Variants in PHF24 observed in about 807,000 individuals in gnomAD.
PHF24 encodes Galpha inhibitory interacting protein.
In PHF24, 25 loss-of-function variants were observed where a neutral mutation model predicts 42.6. The ratio of observed to expected loss-of-function variants is 0.59; its 90% CI spans 0.43 to 0.82. PHF24 has a LOEUF of 0.82. Ranked by LOEUF, PHF24 falls within the 40% of genes least tolerant of loss-of-function variation. The probability of loss-of-function intolerance (pLI) is 0.00; values close to 1 mark genes in which losing one functional copy is unlikely to be tolerated. For missense variants in PHF24, 470 were observed against 538.1 expected, an observed-to-expected ratio of 0.87 and a Z score of 1.25; for synonymous variants, 185 against 204.8, an observed-to-expected ratio of 0.90 and a Z score of 0.83.
At chr9:34,753,569 A>T in the PHF24 span, among the ~76,000 whole-genome samples, 1 of 152,184 alleles carries the variant, frequency 6.6e-6, no homozygotes. Flanking sequence ...TACTACCCAA[A>T]GCAATATACA....
At chr9:34,833,346 G>T in the PHF24 span, 1 of 1,550,866 alleles carries the variant, frequency 6.4e-7, no homozygotes, top group East Asian at 2.4e-5. Flanking sequence ...GCAGAACCCT[G>T]GGGTACTGCT....
At chr9:34,924,012 GTTTGT>G in the PHF24 span, among the ~76,000 whole-genome samples, 2 of 151,794 alleles carry the variant, frequency 1.3e-5, no homozygotes, top group Non-Finnish European at 2.9e-5. Flanking sequence ...TTCCATTATG[GTTTGT>G]TTTAAGAAAA....
chr9:34,702,449 A>G, the PHF24 span, among the ~76,000 whole-genome samples: 1 of 152,228 alleles, frequency 6.6e-6, no homozygotes, highest in Admixed American at 6.5e-5. Context: ...GAAATTTATT[A>G]TTACCACAAC....
At chr9:34,707,609 G>A in the PHF24 span, among the ~76,000 whole-genome samples, 1 of 152,200 alleles carries the variant, frequency 6.6e-6, no homozygotes, top group East Asian at 1.9e-4. Flanking sequence ...CAATACTTGA[G>A]GATGTTAGGA....
the PHF24 span, among the ~76,000 whole-genome samples, chr9:34,800,670 A>G: frequency 6.6e-6 from 1 of 152,226 alleles, no homozygotes; most frequent in African/African-American, 2.4e-5. Context: ...AATTAACTCA[A>G]GATGGATTAA....
chr9:34,848,115 A>T, the PHF24 span, among the ~76,000 whole-genome samples: 11 of 152,090 alleles, frequency 7.2e-5, 1 homozygote, highest in African/African-American at 2.7e-4. Context: ...CTGGCCTCAT[A>T]AAATGAGTTA....
the PHF24 span, among the ~76,000 whole-genome samples, chr9:34,824,489 A>G: frequency 6.6e-6 from 1 of 152,132 alleles, no homozygotes; most frequent in African/African-American, 2.4e-5. Flanking sequence ...GTTTGGAGTG[A>G]GGTAGTGGTA....
the PHF24 span, among the ~76,000 whole-genome samples, chr9:34,733,982 G>C: frequency 6.6e-6 from 1 of 152,220 alleles, no homozygotes; most frequent in Non-Finnish European, 1.5e-5. Flanking sequence ...TACAAAATAG[G>C]GTTTCTCGGG....
chr9:34,862,368 C>T, the PHF24 span, among the ~76,000 whole-genome samples: 1 of 152,020 alleles, frequency 6.6e-6, no homozygotes, highest in African/African-American at 2.4e-5. Context: ...CCAGGCAGCA[C>T]GATTTGTGGC....
chr9:34,806,192 C>T, the PHF24 span, among the ~76,000 whole-genome samples: 8 of 151,860 alleles, frequency 5.3e-5, no homozygotes, highest in African/African-American at 1.5e-4. Flanking sequence ...ATTGCTTGGG[C>T]TATTCAGGGT....
intron 2 of PHF24, 106 bp downstream of exon 2, chr9:34,971,782 T>A: frequency 7.6e-7 from 1 of 1,309,748 alleles, no homozygotes; most frequent in Non-Finnish European, 1.0e-6. Flanking sequence ...AAAATGGAGC[T>A]GAGTCCAAAA....
the PHF24 span, among the ~76,000 whole-genome samples, chr9:34,851,382 C>T: frequency 7.0e-4 from 106 of 152,276 alleles, no homozygotes; most frequent in Admixed American, 1.4e-3. Flanking sequence ...AGCGAGACTC[C>T]GTGGGTGTAG....
chr9:34,736,190 G>A, the PHF24 span, among the ~76,000 whole-genome samples: 1 of 152,058 alleles, frequency 6.6e-6, no homozygotes, highest in Non-Finnish European at 1.5e-5. Flanking sequence ...GCATCCAAGA[G>A]CTGTGGCACA....
the PHF24 span, among the ~76,000 whole-genome samples, chr9:34,815,719 A>G: frequency 6.6e-6 from 1 of 152,200 alleles, no homozygotes; most frequent in African/African-American, 2.4e-5. Context: ...TATTTGTTTT[A>G]AATATGCATA....
the PHF24 span, among the ~76,000 whole-genome samples, chr9:34,831,313 C>A: frequency 6.6e-6 from 1 of 152,100 alleles, no homozygotes; most frequent in Non-Finnish European, 1.5e-5. Context: ...TGGGTGCCCA[C>A]CATTAGTTAC....
At chr9:34,928,915 G>A in the PHF24 span, among the ~76,000 whole-genome samples, 1 of 152,192 alleles carries the variant, frequency 6.6e-6, no homozygotes, top group African/African-American at 2.4e-5. Context: ...TGGTCTTGCA[G>A]TCCTCTTGGT....
chr9:34,886,267 A>AC, the PHF24 span, among the ~76,000 whole-genome samples: 8 of 150,656 alleles, frequency 5.3e-5, no homozygotes, highest in African/African-American at 9.8e-5. Flanking sequence ...AAAAAAAAAA[A>AC]AAAACTCCTT....
At chr9:34,707,751 G>C in the PHF24 span, among the ~76,000 whole-genome samples, 2 of 151,666 alleles carry the variant, frequency 1.3e-5, no homozygotes, top group Non-Finnish European at 2.9e-5. Context: ...TCCTGAAATG[G>C]AGTCTTGCTC....
the PHF24 span, among the ~76,000 whole-genome samples, chr9:34,831,644 C>G: frequency 5.3e-5 from 8 of 152,240 alleles, no homozygotes; most frequent in African/African-American, 1.7e-4. Context: ...ATTCTCATGT[C>G]CTGGTCAGGC....
Sources: allele counts gnomAD v4.1 joint callset (sites outside exome capture counted in the v4.1 genomes callset), GRCh38; gene constraint gnomAD v4.1.1; transcripts MANE v1.5; gene names NCBI Gene and HGNC (gene_info 2026-07-23, HGNC 2026-07-21).